Variants in CACNA2D3 observed in about 807,000 individuals in gnomAD.
CACNA2D3 encodes calcium voltage-gated channel auxiliary subunit alpha2delta 3.
Under a neutral mutation model 160.6 loss-of-function variants are expected in CACNA2D3, and 60 were observed. The observed-to-expected ratio is 0.37, with a 90% confidence interval of 0.30 to 0.46. CACNA2D3 has a LOEUF of 0.46. Among genes scored for constraint, CACNA2D3 ranks in the 20% least tolerant of loss-of-function variants. CACNA2D3 has a pLI of 1.00. For synonymous variants in CACNA2D3, 558 were observed against 492.9 expected, an observed-to-expected ratio of 1.13 and a Z score of -1.75; for missense variants, 1,205 against 1,365.0, an observed-to-expected ratio of 0.88 and a Z score of 1.85.
chr3:54,813,752 G>GA (rs1255720088), intron 13 of CACNA2D3, among the ~76,000 whole-genome samples: 44 of 151,114 alleles, frequency 2.9e-4, no homozygotes, highest in African/African-American at 1.0e-3. Flanking sequence ...GGCATTACTT[G>GA]AAAAAATTAC....
intron 13 of CACNA2D3, among the ~76,000 whole-genome samples, chr3:54,776,591 T>C (rs1702429470): frequency 6.6e-6 from 1 of 151,976 alleles, no homozygotes; most frequent in Non-Finnish European, 1.5e-5. Flanking sequence ...AAAAGAGGCC[T>C]GGATAGGAGG....
At chr3:54,189,429 A>G (rs1170766218) in intron 2 of CACNA2D3, among the ~76,000 whole-genome samples, 1 of 152,210 alleles carries the variant, frequency 6.6e-6, no homozygotes, top group Non-Finnish European at 1.5e-5. Context: ...GCCAAAGTCG[A>G]GCACAAAGGC....
chr3:54,330,960 T>C (rs182940907), intron 3 of CACNA2D3, among the ~76,000 whole-genome samples: 130 of 152,226 alleles, frequency 8.5e-4, no homozygotes, highest in African/African-American at 3.0e-3. Context: ...ATTTTTTTTC[T>C]AGGGAAGTAT....
intron 2 of CACNA2D3, among the ~76,000 whole-genome samples, chr3:54,141,094 C>CACGCGCGCGCGCGCACGT (rs1553731351): frequency 3.7e-5 from 3 of 81,892 alleles, no homozygotes; most frequent in African/African-American, 1.1e-4. Flanking sequence ...TGTGCGCGCG[C>CACGCGCGCGCGCGCACGT]GCGCGTGTGT....
At chr3:54,677,954 G>A (rs1255994367) in intron 11 of CACNA2D3, among the ~76,000 whole-genome samples, 1 of 152,110 alleles carries the variant, frequency 6.6e-6, no homozygotes, top group Non-Finnish European at 1.5e-5. Flanking sequence ...CATGTGTGAT[G>A]AGAGAGAGAA....
At chr3:54,664,306 G>A (rs150659096) in intron 11 of CACNA2D3, among the ~76,000 whole-genome samples, 13 of 152,336 alleles carry the variant, frequency 8.5e-5, no homozygotes, top group South Asian at 2.1e-4. Flanking sequence ...TTTACCACCC[G>A]TTTCCCCAAG....
At chr3:54,150,845 TG>T (rs1700135726) in intron 2 of CACNA2D3, among the ~76,000 whole-genome samples, 1 of 151,982 alleles carries the variant, frequency 6.6e-6, no homozygotes, top group Non-Finnish European at 1.5e-5. Context: ...GATGGATGGA[TG>T]GATGGATGAG....
rs148504033 is a variant in CACNA2D3, at chr3:54,796,268, G to A, written c.1381-20585G>A. Among the ~76,000 whole-genome samples the A allele has an allele frequency of 1.4e-4, 21 of 152,274 alleles. No homozygotes were observed. In the South Asian group the frequency reaches 3.5e-3, roughly 26 times the overall value. On this transcript the variant is annotated intron_variant, in intron 13 of 37. Coordinates refer to ENST00000474759, the MANE Select transcript of CACNA2D3 (RefSeq NM_018398.3). ...AAAACAGGCTTTGGAGTCAGTCTCA[G>A]TGTCCTCATTTGCAGAGTGAAGATG...
At chr3:54,904,174 A>G (rs1700403135) in intron 27 of CACNA2D3, among the ~76,000 whole-genome samples, 1 of 152,170 alleles carries the variant, frequency 6.6e-6, no homozygotes, top group African/African-American at 2.4e-5. Context: ...GGCAAAACCT[A>G]TTTTGCCTTA....
chr3:54,867,946 T>TTAATGGGAG (rs1217332494), intron 17 of CACNA2D3, among the ~76,000 whole-genome samples: 1 of 151,620 alleles, frequency 6.6e-6, no homozygotes, highest in Non-Finnish European at 1.5e-5. Flanking sequence ...AGAATTATGC[T>TTAATGGGAG]TAATGGGAGT....
intron 14 of CACNA2D3, among the ~76,000 whole-genome samples, chr3:54,830,607 A>G (rs1404249247): frequency 1.3e-5 from 2 of 151,858 alleles, no homozygotes; most frequent in East Asian, 1.9e-4. Flanking sequence ...GAGTGCCCCC[A>G]CCACGCCCAG....
intron 2 of CACNA2D3, among the ~76,000 whole-genome samples, chr3:54,251,094 T>A (rs923865001): frequency 2.6e-5 from 4 of 152,054 alleles, no homozygotes; most frequent in African/African-American, 7.2e-5. Context: ...GGTCAGGGGT[T>A]ATGTAAGTGA....
chr3:54,281,345 C>T (rs1203819627), intron 2 of CACNA2D3, among the ~76,000 whole-genome samples: 2 of 152,206 alleles, frequency 1.3e-5, no homozygotes, highest in Non-Finnish European at 2.9e-5. Context: ...ATCTTTTCCA[C>T]TGTGTATCCA....
At chr3:54,574,851 G>A (rs1054129177) in intron 8 of CACNA2D3, among the ~76,000 whole-genome samples, 7 of 152,234 alleles carry the variant, frequency 4.6e-5, no homozygotes, top group African/African-American at 1.7e-4. Flanking sequence ...GCCCATATTT[G>A]TGCAGACTTG....
intron 5 of CACNA2D3, among the ~76,000 whole-genome samples, chr3:54,557,878 A>G (rs1054962341): frequency 1.2e-4 from 19 of 152,152 alleles, no homozygotes; most frequent in Admixed American, 6.5e-5. Flanking sequence ...CAAGAGTTAG[A>G]GCATTTACCC....
chr3:54,971,536 G>A (rs1270322580), intron 29 of CACNA2D3, among the ~76,000 whole-genome samples: 3 of 152,142 alleles, frequency 2.0e-5, no homozygotes, highest in Non-Finnish European at 4.4e-5. Flanking sequence ...ATAGTTGGTT[G>A]GCTCATTGGT....
intron 11 of CACNA2D3, among the ~76,000 whole-genome samples, chr3:54,676,660 A>G (rs1700250388): frequency 6.6e-6 from 1 of 152,194 alleles, no homozygotes; most frequent in Admixed American, 6.5e-5. Flanking sequence ...CAGTGAGCAG[A>G]GACTGAATCC....
At chr3:54,445,553 TATACAC>T (rs1401680715) in intron 4 of CACNA2D3, among the ~76,000 whole-genome samples, 2 of 32,936 alleles carry the variant, frequency 6.1e-5, no homozygotes, top group Non-Finnish European at 1.3e-4. Context: ...TATTTCTATG[TATACAC>T]ACACACACAC....
intron 2 of CACNA2D3, among the ~76,000 whole-genome samples, chr3:54,130,654 A>G (rs192153852): frequency 2.0e-5 from 3 of 152,306 alleles, no homozygotes. Context: ...CAGCCTCCCC[A>G]AGGTGACTGA....
Sources: allele counts gnomAD v4.1 joint callset (sites outside exome capture counted in the v4.1 genomes callset), GRCh38; gene constraint gnomAD v4.1.1; transcripts MANE v1.5; gene names NCBI Gene and HGNC (gene_info 2026-07-23, HGNC 2026-07-21).